The following TRIM4 variants were observed in gnomAD, a reference collection of about 807,000 sequenced individuals.
TRIM4 encodes the protein E3 ubiquitin-protein ligase TRIM4.
Under a neutral mutation model 33.7 loss-of-function variants are expected in TRIM4, and 29 were observed. The observed-to-expected ratio is 0.86, with a 90% CI of 0.64 to 1.17. TRIM4 has a LOEUF of 1.17. Ranked by LOEUF, TRIM4 falls within the 50% of genes most tolerant of loss-of-function variation. The pLI is 0.00. For synonymous variants in TRIM4, 224 were observed against 233.0 expected (o/e 0.96, Z 0.35); for missense variants, 554 against 593.7 (o/e 0.93, Z 0.69).
rs150743321 is a variant in TRIM4, at chr7:99,890,980, T to C, written c.*1183A>G. 6 of 152,368 alleles carry C rather than the reference T, an allele frequency of 3.9e-5. No homozygotes were observed. In the East Asian group the frequency reaches 1.2e-3, roughly 29 times the overall value. The allele number at this position is 152,368 out of a possible 1,614,324, so 9.4% of individuals were successfully genotyped here. On this transcript the variant is annotated 3_prime_UTR_variant, in exon 6 of 6. Coordinates refer to ENST00000349062, the MANE Select transcript of TRIM4 (RefSeq NM_033091.3). Reference sequence around the variant, plus strand: ...TAGTGCATAACTTTAATTTTTATACTTTTTGCATCTTACAAACTTTCTACA... The same window carrying C: ...TAGTGCATAACTTTAATTTTTATACCTTTTGCATCTTACAAACTTTCTACA...
At chr7:99,900,563 G>A (rs1420851797) in intron 5 of TRIM4, among the ~76,000 whole-genome samples, 1 of 152,114 alleles carries the variant, frequency 6.6e-6, no homozygotes, top group Non-Finnish European at 1.5e-5. Flanking sequence ...CCTTTGTGTA[G>A]AGAGATTTCC....
Position 99,909,573 on chromosome 7 carries a change from G to C in TRIM4, c.481C>G (p.Gln161Glu). Reference sequence around the variant, plus strand: ...ACCACTTCTGCCATTACCTTCCACTGTGTGGCGTTCTTCACTTCTACATCC... The same window carrying C: ...ACCACTTCTGCCATTACCTTCCACTCTGTGGCGTTCTTCACTTCTACATCC... ...LQDVEVKNAT[Q>E]WKDKIKSQRM... The change falls in exon 2 of 6, where the codon CAG becomes GAG. Residue 161 changes from glutamine to glutamate, a missense_variant. Coordinates refer to ENST00000349062, the MANE Select transcript of TRIM4 (RefSeq NM_033091.3). The C allele has an allele frequency of 6.2e-7, 1 of 1,613,756 alleles. No individual in the cohort carries two copies. Among genetic ancestry groups the C allele is most frequent in the Non-Finnish European group, 8.5e-7 (1 of 1,179,850 alleles).
At chr7:99,910,524 A>G (rs986322556) in intron 1 of TRIM4, among the ~76,000 whole-genome samples, 1 of 152,204 alleles carries the variant, frequency 6.6e-6, no homozygotes, top group African/African-American at 2.4e-5. Flanking sequence ...GACAATATGT[A>G]TTGTACAATT....
At chr7:99,895,522 G>A (rs1439329047) in intron 5 of TRIM4, among the ~76,000 whole-genome samples, 1 of 152,168 alleles carries the variant, frequency 6.6e-6, no homozygotes, top group African/African-American at 2.4e-5. Flanking sequence ...GTAGTATATA[G>A]CTGTTGGGTA....
At chr7:99,895,248 T>C (rs1162662790) in intron 5 of TRIM4, among the ~76,000 whole-genome samples, 4 of 152,226 alleles carry the variant, frequency 2.6e-5, no homozygotes, top group Non-Finnish European at 5.9e-5. Context: ...TTCTGGTATA[T>C]TGTCTTTTCC....
chr7:99,919,050 G>T lies in TRIM4; in HGVS notation c.352C>A (p.His118Asn). 1 of 1,582,198 alleles carries T rather than the reference G, an allele frequency of 6.3e-7. No individual in the cohort carries two copies. Among genetic ancestry groups the T allele is most frequent in the Admixed American group, 1.8e-5 (1 of 56,958 alleles). ...GCCTCGTCGATGGGTGCCATGGCGT[G>T]AGTCTGGTGCTCCTGGGACTCCCTG... The part of the protein sequence containing the change: ...VCRESQEHQT[H>N]AMAPIDEAFE... Residue 118 changes from histidine to asparagine, a missense_variant, in exon 1 of 6, where the codon CAC (histidine) becomes AAC (asparagine). Physicochemically the swap from His to Asn is moderately conservative, Grantham distance 68. This residue lies in a region of TRIM4 where 233 missense variants were observed against 203.1 expected (regional missense o/e 1.15). Coordinates refer to ENST00000349062, the MANE Select transcript of TRIM4 (RefSeq NM_033091.3).
intron 5 of TRIM4, among the ~76,000 whole-genome samples, chr7:99,900,665 G>A (rs560998008): frequency 6.6e-6 from 1 of 152,002 alleles, no homozygotes; most frequent in South Asian, 2.1e-4. Context: ...TTAAGCTTTA[G>A]TTTACCTCCA....
intron 3 of TRIM4, chr7:99,908,360 G>C (rs905149312): frequency 8.4e-6 from 4 of 474,632 alleles, no homozygotes; most frequent in African/African-American, 3.8e-5. Context: ...GAGACTGTGT[G>C]AATCAACTTA....
At chr7:99,894,570 G>A (rs745533816) in intron 5 of TRIM4, among the ~76,000 whole-genome samples, 28 of 152,026 alleles carry the variant, frequency 1.8e-4, no homozygotes, top group Non-Finnish European at 4.0e-4. Context: ...GGGAGGCTGA[G>A]GCAGGAGAAT....
At position 99,891,934 on chromosome 7, in the gene TRIM4, C is replaced by T; in HGVS notation, c.*229G>A. ...CTCTTTAAAAGCTACAAAAAGATTT[C>T]CCAAAAGCGTCTTGGAAAATTTCCT... is the stretch of plus-strand genomic sequence containing the variant. On this transcript the variant is annotated 3_prime_UTR_variant, in exon 6 of 6. Coordinates refer to ENST00000349062, the MANE Select transcript of TRIM4 (RefSeq NM_033091.3). The T allele has an allele frequency of 2.1e-6, 1 of 471,666 alleles. No individual in the cohort carries two copies. Among genetic ancestry groups the T allele is most frequent in the Non-Finnish European group, 3.7e-6 (1 of 269,438 alleles). The allele number at this position is 471,666 out of a possible 1,614,324, so 29.2% of individuals were successfully genotyped here.
At chr7:99,909,193 C>T (rs1819380479) in intron 2 of TRIM4, among the ~76,000 whole-genome samples, 1 of 150,202 alleles carries the variant, frequency 6.7e-6, no homozygotes, top group African/African-American at 2.4e-5. Flanking sequence ...TGTTTCTTTC[C>T]ACAATGCCAT....
chr7:99,901,829 C>A (rs900985150), intron 5 of TRIM4: 8 of 431,384 alleles, frequency 1.9e-5, no homozygotes, highest in Non-Finnish European at 4.1e-6. Flanking sequence ...CAGAACTCTG[C>A]CAAACAACTA....
At chr7:99,903,975 T>C (rs144561678) in intron 3 of TRIM4, among the ~76,000 whole-genome samples, 158 of 152,350 alleles carry the variant, frequency 1.0e-3, no homozygotes, top group Admixed American at 2.2e-3. Flanking sequence ...AGATTGCTTT[T>C]AAATTATAAT....
chr7:99,905,159 T>C (rs1251243614), intron 3 of TRIM4, among the ~76,000 whole-genome samples: 2 of 152,130 alleles, frequency 1.3e-5, no homozygotes, highest in Non-Finnish European at 2.9e-5. Context: ...GAGATGACAT[T>C]TTGCACCTTT....
chr7:99,906,702 G>C (rs2151648083), intron 3 of TRIM4, among the ~76,000 whole-genome samples: 1 of 152,128 alleles, frequency 6.6e-6, no homozygotes. Context: ...AAAACAGCTG[G>C]GGGCGGTGGC....
intron 1 of TRIM4, chr7:99,916,809 C>T: frequency 6.4e-6 from 5 of 780,132 alleles, no homozygotes; most frequent in Non-Finnish European, 1.2e-5. Context: ...CATATCATTC[C>T]CTGCCTTAAA....
At chr7:99,898,785 A>C (rs1228988449) in intron 5 of TRIM4, among the ~76,000 whole-genome samples, 1 of 152,228 alleles carries the variant, frequency 6.6e-6, no homozygotes, top group Non-Finnish European at 1.5e-5. Flanking sequence ...CTGCACATTA[A>C]TTAAAACCAA....
intron 5 of TRIM4, among the ~76,000 whole-genome samples, chr7:99,894,053 C>T (rs1232613959): frequency 6.6e-6 from 1 of 150,680 alleles, no homozygotes; most frequent in Non-Finnish European, 1.5e-5. Context: ...ATAAATCTCA[C>T]ATATTGTGAT....
intron 5 of TRIM4, among the ~76,000 whole-genome samples, chr7:99,893,615 T>C (rs1732397059): frequency 6.6e-6 from 1 of 152,198 alleles, no homozygotes; most frequent in Non-Finnish European, 1.5e-5. Flanking sequence ...TTCTCTAAGG[T>C]GTCAGAGTCC....
Sources: allele counts gnomAD v4.1 joint callset (sites outside exome capture counted in the v4.1 genomes callset), GRCh38; gene constraint gnomAD v4.1.1; regional missense constraint gnomAD v4.1.1; transcripts MANE v1.5; gene names NCBI Gene and HGNC (gene_info 2026-07-23, HGNC 2026-07-21).